Variants in RSF1 observed in about 807,000 individuals in gnomAD.
RSF1 encodes the protein remodeling and spacing factor 1, also known as HBV pX-associated protein 8.
Under a neutral mutation model 145.2 loss-of-function variants are expected in RSF1, and 13 were observed. That is an observed-to-expected ratio of 0.09 (90% confidence interval 0.06 to 0.14). The LOEUF (loss-of-function observed/expected upper bound fraction) is 0.14. Ranked by LOEUF, RSF1 falls within the 10% of genes least tolerant of loss-of-function variation. The probability of loss-of-function intolerance (pLI) is 1.00; values close to 1 mark genes in which losing one functional copy is unlikely to be tolerated. For synonymous variants in RSF1, 577 were observed against 592.6 expected, an observed-to-expected ratio of 0.97 and a Z score of 0.38; for missense variants, 1,517 against 1,718.2, an observed-to-expected ratio of 0.88 and a Z score of 2.07.
intron 5 of RSF1, among the ~76,000 whole-genome samples, chr11:77,707,736 T>C (rs1451473934): frequency 6.6e-6 from 1 of 152,224 alleles, no homozygotes; most frequent in Non-Finnish European, 1.5e-5. Flanking sequence ...GGTAAAACCA[T>C]TCAATAACTA....
At chr11:77,819,442 C>G (rs938360221) in intron 1 of RSF1, among the ~76,000 whole-genome samples, 2 of 152,184 alleles carry the variant, frequency 1.3e-5, no homozygotes, top group African/African-American at 4.8e-5. Flanking sequence ...CTGAGATGCT[C>G]CAGCAAAAGA....
chr11:77,820,985 C>T, upstream of RSF1: 1 of 517,576 alleles, frequency 1.9e-6, no homozygotes, highest in Non-Finnish European at 3.4e-6. Flanking sequence ...TCGGGCTTGC[C>T]ACTGCCTCGT....
intron 1 of RSF1, chr11:77,813,269 T>G: frequency 1.5e-6 from 1 of 673,208 alleles, no homozygotes; most frequent in Non-Finnish European, 2.7e-6. Context: ...AAGTCTGCCA[T>G]TTATAATTTT....
At chr11:77,828,309 T>C in the RSF1 span, among the ~76,000 whole-genome samples, 1 of 151,602 alleles carries the variant, frequency 6.6e-6, no homozygotes, top group Non-Finnish European at 1.5e-5. Context: ...AAAAAAATGA[T>C]ATCAATAACT....
the RSF1 span, chr11:77,842,684 T>C: frequency 1.9e-6 from 3 of 1,596,048 alleles, no homozygotes; most frequent in Admixed American, 5.5e-5. Flanking sequence ...GATTTCCAAC[T>C]TCCTAAGCTG....
In RSF1 at chr11:77,737,623, T is replaced by G. The variant is rs1258405828; in HGVS notation, c.578+3108A>C. On this transcript the variant is annotated intron_variant, in intron 4 of 15. Coordinates refer to ENST00000308488, the MANE Select transcript of RSF1 (RefSeq NM_016578.4). The stretch of plus-strand genomic sequence containing the variant: ...AAGAAGTTTTATGTGTTTTGGGGGG[T>G]GTGTGTGTGTGTGTGTGTGTGTGTG... Among the ~76,000 whole-genome samples the G allele has an allele frequency of 1.2e-3, 52 of 44,620 alleles. No homozygotes were observed. The East Asian group carries it at 0.019, about 16-fold the overall frequency. The allele number at this position is 44,620 out of a possible 152,430, so 29.3% of individuals were successfully genotyped here.
At position 77,807,960 on chromosome 11, in the gene RSF1, C is replaced by T. The variant is rs111629170; in HGVS notation, c.187+12568G>A. 8.1e-4 allele frequency among the ~76,000 whole-genome samples: 124 copies of T among 152,270 alleles called. 1 individual carries two copies. The highest frequency in any genetic ancestry group is 2.9e-3 in the African/African-American group (120 of 41,556). On this transcript the variant is annotated intron_variant, in intron 1 of 15. Transcript: ENST00000308488. ...ACAATGCACAAAACTTGTATAGGTACAGGAGACGAAGTCTAATTTCCAAAA... is the reference window on the plus strand; with the variant it reads ...ACAATGCACAAAACTTGTATAGGTATAGGAGACGAAGTCTAATTTCCAAAA...
At chr11:77,694,769 A>C (rs2186573) in intron 7 of RSF1, among the ~76,000 whole-genome samples, 27,456 of 152,076 alleles carry the variant, frequency 0.18, 3,150 homozygotes, top group African/African-American at 0.31. Flanking sequence ...AGGTCCCTTT[A>C]CATTCAGTTA....
chr11:77,758,351 CATCT>C (rs1211094900), intron 2 of RSF1, among the ~76,000 whole-genome samples: 4 of 152,076 alleles, frequency 2.6e-5, no homozygotes, highest in African/African-American at 9.7e-5. Context: ...AAAATCCATC[CATCT>C]GTTGATGAAC....
chr11:77,844,655 C>T, the RSF1 span, among the ~76,000 whole-genome samples: 1 of 152,154 alleles, frequency 6.6e-6, no homozygotes, highest in South Asian at 2.1e-4. Context: ...AGCCATCATG[C>T]CCAGCCAGAT....
chr11:77,692,842 T>TA (rs754077964), intron 8 of RSF1, among the ~76,000 whole-genome samples: 3 of 151,814 alleles, frequency 2.0e-5, no homozygotes, highest in Non-Finnish European at 2.9e-5. Flanking sequence ...CACGCCCAGA[T>TA]AATTTTTGTA....
At chr11:77,691,302 T>A in intron 8 of RSF1, 64 bp from the exon 9 acceptor site, 1 of 1,400,648 alleles carries the variant, frequency 7.1e-7, no homozygotes, top group African/African-American at 1.4e-5. Context: ...ATTACATACA[T>A]GTTAACTTCA....
chr11:77,700,397 C>T (rs1287004807), intron 6 of RSF1, among the ~76,000 whole-genome samples: 1 of 146,634 alleles, frequency 6.8e-6, no homozygotes, highest in Non-Finnish European at 1.5e-5. Flanking sequence ...GATACTATAC[C>T]CCACACTGTT....
At chr11:77,827,062 G>A in the RSF1 span, among the ~76,000 whole-genome samples, 2 of 152,078 alleles carry the variant, frequency 1.3e-5, no homozygotes, top group African/African-American at 4.8e-5. Context: ...CTGAGATGGG[G>A]CCACTGCACT....
At chr11:77,695,476 T>C (rs1169554087) in intron 7 of RSF1, among the ~76,000 whole-genome samples, 3 of 152,212 alleles carry the variant, frequency 2.0e-5, no homozygotes, top group Non-Finnish European at 4.4e-5. Context: ...TTCTTTGGGC[T>C]ACAATCCAAA....
intron 1 of RSF1, among the ~76,000 whole-genome samples, chr11:77,772,363 A>G (rs1167368596): frequency 1.3e-5 from 2 of 152,064 alleles, no homozygotes; most frequent in African/African-American, 4.8e-5. Context: ...GTGTACAGAC[A>G]GGGTCCCACT....
At chr11:77,805,067 T>C (rs1342690090) in intron 1 of RSF1, among the ~76,000 whole-genome samples, 5 of 152,194 alleles carry the variant, frequency 3.3e-5, no homozygotes, top group Non-Finnish European at 7.4e-5. Context: ...GTTTGTTTCT[T>C]TGTGGGGAGA....
intron 1 of RSF1, among the ~76,000 whole-genome samples, chr11:77,771,932 A>G (rs759739441): frequency 6.6e-6 from 1 of 152,180 alleles, no homozygotes; most frequent in African/African-American, 2.4e-5. Context: ...CTGAAGGAAA[A>G]TTGCAAAAAT....
intron 4 of RSF1, 133 bp downstream of exon 4, chr11:77,740,598 G>A (rs1421441140): frequency 1.4e-6 from 1 of 697,738 alleles, no homozygotes; most frequent in Admixed American, 2.4e-5. Context: ...CTGGATACTA[G>A]GTGAGGCCTT....
Sources: gnomAD v4.1 joint callset for allele counts (sites outside exome capture counted in the v4.1 genomes callset) on GRCh38, gnomAD v4.1.1 for gene constraint, MANE v1.5 for transcripts, NCBI Gene and HGNC (gene_info 2026-07-23, HGNC 2026-07-21) for gene names.